UGGT2: variants seen among roughly 807,000 people sequenced by gnomAD.
UGGT2 encodes UDP-glucose:glycoprotein glucosyltransferase 2.
Under a neutral mutation model 192.1 loss-of-function variants are expected in UGGT2, and 180 were observed. The ratio of observed to expected loss-of-function variants is 0.94; its 90% confidence interval spans 0.83 to 1.06. The LOEUF (loss-of-function observed/expected upper bound fraction) is 1.06, where lower values mean the gene tolerates loss of function less well. Ranked by LOEUF, UGGT2 falls within the 50% of genes least tolerant of loss-of-function variation. UGGT2 has a pLI of 0.00. For synonymous variants in UGGT2, 580 were observed against 591.0 expected, an observed-to-expected ratio of 0.98 and a Z score of 0.27; for missense variants, 1,849 against 1,795.7, an observed-to-expected ratio of 1.03 and a Z score of -0.54.
intron 10 of UGGT2, among the ~76,000 whole-genome samples, chr13:95,975,574 A>C (rs2050911184): frequency 6.6e-6 from 1 of 152,208 alleles, no homozygotes; most frequent in Non-Finnish European, 1.5e-5. Context: ...GCAGAAATAA[A>C]TGCAAATCCT....
intron 4 of UGGT2, among the ~76,000 whole-genome samples, chr13:96,018,252 A>G (rs1478448862): frequency 6.6e-6 from 1 of 152,198 alleles, no homozygotes; most frequent in Non-Finnish European, 1.5e-5. Context: ...GTGGTAGCTC[A>G]TGTCTGTAAT....
chr13:96,049,274 T>G (rs2053414744), intron 1 of UGGT2, among the ~76,000 whole-genome samples: 1 of 152,168 alleles, frequency 6.6e-6, no homozygotes, highest in South Asian at 2.1e-4. Flanking sequence ...TTTGACAAAA[T>G]TCAACAGCCC....
chr13:95,842,443 A>G (rs1887966334), intron 36 of UGGT2, among the ~76,000 whole-genome samples: 1 of 152,174 alleles, frequency 6.6e-6, no homozygotes, highest in Non-Finnish European at 1.5e-5. Context: ...ATTACATTCT[A>G]TGAATATACC....
intron 10 of UGGT2, among the ~76,000 whole-genome samples, chr13:95,974,170 C>T (rs1199527346): frequency 6.6e-6 from 1 of 152,168 alleles, no homozygotes; most frequent in Admixed American, 6.5e-5. Flanking sequence ...TTGTTTTATA[C>T]AGAATACTGG....
intron 17 of UGGT2, among the ~76,000 whole-genome samples, chr13:95,934,979 T>G (rs2049412824): frequency 6.6e-6 from 1 of 152,218 alleles, no homozygotes; most frequent in Non-Finnish European, 1.5e-5. Flanking sequence ...GACACTTAAG[T>G]CTTCTTGTTG....
chr13:95,886,611 T>A (rs1282377116), intron 26 of UGGT2, among the ~76,000 whole-genome samples: 1 of 152,144 alleles, frequency 6.6e-6, no homozygotes, highest in African/African-American at 2.4e-5. Flanking sequence ...ATACAAAAGA[T>A]AAATGAGAAG....
chr13:95,846,550 A>G lies in UGGT2; in HGVS notation c.4284+6993T>C, dbSNP rs149893223. The stretch of plus-strand genomic sequence containing the variant: ...TTGTCTATAATTTTCCTTTCTTATA[A>G]TATCTTTGGTCTTCATGTCAAGGGA... On this transcript the variant is annotated intron_variant, in intron 36 of 38. Transcript: ENST00000376747. Among the ~76,000 whole-genome samples the G allele has an allele frequency of 5.4e-4, 82 of 152,266 alleles. 1 individual carries two copies. The highest frequency in any genetic ancestry group is 1.9e-3 in the African/African-American group (78 of 41,548).
intron 27 of UGGT2, among the ~76,000 whole-genome samples, chr13:95,878,581 A>G (rs1345504612): frequency 6.6e-6 from 1 of 152,202 alleles, no homozygotes; most frequent in East Asian, 1.9e-4. Context: ...TTTCAAGATA[A>G]AGCTTTTTCT....
intron 1 of UGGT2, among the ~76,000 whole-genome samples, chr13:96,037,252 G>A (rs1389411215): frequency 6.6e-6 from 1 of 152,202 alleles, no homozygotes; most frequent in Non-Finnish European, 1.5e-5. Flanking sequence ...AGGCTGGAGT[G>A]CAGTGGTGCG....
At chr13:95,952,044 C>T (rs554200956) in intron 12 of UGGT2, among the ~76,000 whole-genome samples, 87 of 141,290 alleles carry the variant, frequency 6.2e-4, no homozygotes, top group African/African-American at 2.2e-3. Context: ...GGCAATAGAG[C>T]GAGACTGTCT....
At chr13:95,920,682 G>A (rs1186377680) in intron 20 of UGGT2, among the ~76,000 whole-genome samples, 4 of 152,060 alleles carry the variant, frequency 2.6e-5, no homozygotes, top group Non-Finnish European at 4.4e-5. Context: ...CTAAAAAGTC[G>A]TAAAAGAACA....
chr13:95,913,631 T>C lies in UGGT2; in HGVS notation c.2296-10571A>G, dbSNP rs563637178. Among the ~76,000 whole-genome samples the C allele has an allele frequency of 3.3e-5, 5 of 152,354 alleles. No homozygotes were observed. The East Asian group carries it at 9.6e-4, about 29-fold the overall frequency. On this transcript the variant is annotated intron_variant, in intron 20 of 38. Coordinates refer to ENST00000376747, the MANE Select transcript of UGGT2 (RefSeq NM_020121.4). ...TGGAGAAATAGGAACGCTTTTACAC[T>C]GTTGGTGTGAGTGTAAATTAGTTCA...
At chr13:95,981,641 T>C (rs924051852) in intron 10 of UGGT2, among the ~76,000 whole-genome samples, 1 of 152,212 alleles carries the variant, frequency 6.6e-6, no homozygotes, top group African/African-American at 2.4e-5. Context: ...CCATTATTAC[T>C]TCTTTTTTCG....
At chr13:95,990,235 A>G in intron 7 of UGGT2, 162 bp from the exon 8 acceptor site, 1 of 418,372 alleles carries the variant, frequency 2.4e-6, no homozygotes, top group Non-Finnish European at 4.2e-6. Flanking sequence ...CACGGAACTT[A>G]AAAATAATGA....
At chr13:95,983,660 T>A (rs1241609869) in intron 10 of UGGT2, 144 bp downstream of exon 10, 3 of 687,582 alleles carry the variant, frequency 4.4e-6, no homozygotes, top group Non-Finnish European at 7.8e-6. Context: ...TAGTCCACAG[T>A]ATAAAAATAG....
chr13:95,970,155 C>A lies in UGGT2; in HGVS notation c.1292G>T (p.Trp431Leu). ...SKFLKLNSHI[W>L]EYTYVLDIRH... ...AATATCTAATACATAAGTATATTCC[C>A]AAATGTGTGAATTTAATTTTAAAAA... The change falls in exon 12 of 39, where the codon TGG becomes TTG. Residue 431 changes from tryptophan (W) to leucine (L), a missense_variant. Physicochemically the swap from Trp to Leu is moderately conservative, Grantham distance 61 (BLOSUM62 -2). Coordinates refer to ENST00000376747, the MANE Select transcript of UGGT2 (RefSeq NM_020121.4). The A allele has an allele frequency of 6.2e-7, 1 of 1,610,660 alleles. No homozygotes were observed. The highest frequency in any genetic ancestry group is 1.1e-5 in the South Asian group (1 of 90,914).
chr13:95,993,967 AG>A (rs869148884), intron 7 of UGGT2, among the ~76,000 whole-genome samples: 55 of 151,656 alleles, frequency 3.6e-4, no homozygotes, highest in Admixed American at 1.3e-3. Flanking sequence ...CAGGAAAAAA[AG>A]GGGGGGGTAT....
chr13:95,878,800 A>G (rs2047413233), intron 27 of UGGT2, among the ~76,000 whole-genome samples: 2 of 152,180 alleles, frequency 1.3e-5, no homozygotes, highest in African/African-American at 4.8e-5. Context: ...CTTGACTGCA[A>G]TTATCTCAGA....
chr13:95,870,765 C>T (rs1030569455), intron 29 of UGGT2, among the ~76,000 whole-genome samples: 2 of 152,242 alleles, frequency 1.3e-5, no homozygotes, highest in Admixed American at 1.3e-4. Context: ...GAATGTCCCT[C>T]CCCTCCAAAA....
Sources: gnomAD v4.1 joint callset for allele counts (sites outside exome capture counted in the v4.1 genomes callset) on GRCh38, gnomAD v4.1.1 for gene constraint, MANE v1.5 for transcripts, NCBI Gene and HGNC (gene_info 2026-07-23, HGNC 2026-07-21) for gene names.